Variants in FARSB observed in about 807,000 individuals in gnomAD.
FARSB encodes the protein phenylalanine--tRNA ligase beta subunit.
A neutral mutation model predicts 69.6 loss-of-function variants in FARSB; 40 were observed. The observed-to-expected ratio is 0.57, with a 90% CI of 0.45 to 0.75. The LOEUF (loss-of-function observed/expected upper bound fraction) is 0.75. Ranked by LOEUF, FARSB falls within the 30% of genes least tolerant of loss-of-function variation. FARSB has a pLI of 0.00. For missense variants in FARSB, 632 were observed against 722.9 expected (o/e 0.87, Z 1.44); for synonymous variants, 235 against 247.2 (o/e 0.95, Z 0.46).
chr2:222,650,403 A>C (rs1307593746), intron 1 of FARSB, among the ~76,000 whole-genome samples: 1 of 152,190 alleles, frequency 6.6e-6, no homozygotes, highest in African/African-American at 2.4e-5. Context: ...AGTCTACTGC[A>C]ATAGTACAGA....
intron 13 of FARSB, among the ~76,000 whole-genome samples, chr2:222,621,442 C>T (rs1691132672): frequency 6.6e-6 from 1 of 152,154 alleles, no homozygotes; most frequent in South Asian, 2.1e-4. Context: ...ACACTGGTCT[C>T]GAACTTGTAG....
At chr2:222,626,464 GAGAA>G (rs1691278937) in intron 10 of FARSB, among the ~76,000 whole-genome samples, 1 of 152,004 alleles carries the variant, frequency 6.6e-6, no homozygotes, top group Admixed American at 6.6e-5. Context: ...TATTTCATGT[GAGAA>G]AGAATCAGTT....
intron 16 of FARSB, among the ~76,000 whole-genome samples, chr2:222,583,947 TC>T (rs1253452309): frequency 1.3e-5 from 2 of 152,150 alleles, no homozygotes; most frequent in Non-Finnish European, 2.9e-5. Flanking sequence ...GAACTGTGAG[TC>T]AATTAAACCT....
intron 8 of FARSB, 132 bp downstream of exon 8, chr2:222,631,472 A>G (rs1289837213): frequency 3.0e-6 from 2 of 664,814 alleles, no homozygotes; most frequent in Non-Finnish European, 5.5e-6. Context: ...TATCTTTTTA[A>G]TTGTCTAAAT....
At chr2:222,633,829 GT>G (rs1485053900) in intron 6 of FARSB, among the ~76,000 whole-genome samples, 2 of 152,088 alleles carry the variant, frequency 1.3e-5, no homozygotes, top group Non-Finnish European at 2.9e-5. Context: ...TTTCTCAAGA[GT>G]GAAAACAGAT....
rs536938308 is a variant in FARSB, at chr2:222,606,892, C to A, written c.1463-6809G>T. 3.3e-5 allele frequency among the ~76,000 whole-genome samples: 5 copies of A among 152,272 alleles called. No homozygotes were observed. The South Asian group carries it at 1.0e-3, about 32-fold the overall frequency. On this transcript the variant is annotated intron_variant, in intron 15 of 16. Transcript: ENST00000281828. Reference sequence around the variant, plus strand: ...TCACCTAAAAGCCCAAAGAAAGATGCTAGGAGAAAACCTATTGGGAGACCA... The same window carrying A: ...TCACCTAAAAGCCCAAAGAAAGATGATAGGAGAAAACCTATTGGGAGACCA...
At chr2:222,642,276 T>A (rs1311436933) in intron 3 of FARSB, among the ~76,000 whole-genome samples, 1 of 152,242 alleles carries the variant, frequency 6.6e-6, no homozygotes, top group Admixed American at 6.5e-5. Flanking sequence ...GCTGGGATTA[T>A]GGGCATGAGC....
intron 14 of FARSB, among the ~76,000 whole-genome samples, chr2:222,618,996 G>T (rs947568151): frequency 2.6e-5 from 4 of 152,006 alleles, no homozygotes; most frequent in Admixed American, 1.3e-4. Context: ...CAAAAAATTA[G>T]CCGGGCGTAG....
chr2:222,645,963 T>A (rs1691842461), intron 2 of FARSB, among the ~76,000 whole-genome samples: 1 of 152,126 alleles, frequency 6.6e-6, no homozygotes, highest in Non-Finnish European at 1.5e-5. Context: ...TCAGTTCCAG[T>A]ATAAAAATAA....
chr2:222,584,412 C>T (rs760079737), intron 16 of FARSB, among the ~76,000 whole-genome samples: 1 of 152,168 alleles, frequency 6.6e-6, no homozygotes, highest in African/African-American at 2.4e-5. Flanking sequence ...CTCCAGTCTA[C>T]AGCTCCCAGC....
chr2:222,642,193 G>A lies in FARSB; in HGVS notation c.269+658C>T, dbSNP rs191910173. ...TTTTCATATTTTTAGTAGAGACGGG[G>A]TTTCACCATGTTGGCCAGGCTGGTC... On this transcript the variant is annotated intron_variant, in intron 3 of 16. Transcript: ENST00000281828. Among the ~76,000 whole-genome samples the A allele has an allele frequency of 1.4e-3, 220 of 152,200 alleles. 1 individual carries two copies. Among genetic ancestry groups the A allele is most frequent in the Admixed American group, 0.013 (193 of 15,304 alleles).
chr2:222,594,696 CA>C (rs1368333680), intron 16 of FARSB, among the ~76,000 whole-genome samples: 4 of 152,096 alleles, frequency 2.6e-5, no homozygotes, highest in African/African-American at 9.7e-5. Context: ...CAATATCTAT[CA>C]GAGGGAATAC....
chr2:222,595,181 G>A (rs563936308), intron 16 of FARSB, among the ~76,000 whole-genome samples: 11 of 152,238 alleles, frequency 7.2e-5, no homozygotes, highest in Admixed American at 4.6e-4. Context: ...GTAACTAAAT[G>A]TGGGCATGCT....
intron 16 of FARSB, among the ~76,000 whole-genome samples, chr2:222,580,725 C>T (rs959751343): frequency 6.6e-6 from 1 of 151,962 alleles, no homozygotes; most frequent in Non-Finnish European, 1.5e-5. Context: ...TGCCCCAAAT[C>T]AACCTAGGAA....
In FARSB at chr2:222,647,291, GA is replaced by G. The variant is rs559506395; in HGVS notation, c.114+1448del. Among the ~76,000 whole-genome samples, 40 of 152,308 alleles carry G rather than the reference GA, an allele frequency of 2.6e-4. 1 individual carries two copies. In the East Asian group the frequency reaches 7.7e-3, roughly 29 times the overall value. On this transcript the variant is annotated intron_variant, in intron 2 of 16. Transcript: ENST00000281828. The stretch of plus-strand genomic sequence containing the variant: ...AGATGGGACAGCTAGCCTCTGCTCG[GA>G]GGTCAGCCAGGGCTGTCACAAATTC...
intron 3 of FARSB, among the ~76,000 whole-genome samples, chr2:222,641,294 T>A (rs543985891): frequency 6.6e-6 from 1 of 152,320 alleles, no homozygotes; most frequent in East Asian, 1.9e-4. Flanking sequence ...AACCATGAGA[T>A]TCTGAGCTTC....
chr2:222,576,139 C>A (rs1689834156), intron 16 of FARSB, among the ~76,000 whole-genome samples: 1 of 152,060 alleles, frequency 6.6e-6, no homozygotes, highest in South Asian at 2.1e-4. Flanking sequence ...TTATCAAGCA[C>A]CTTCTTAATC....
At chr2:222,613,498 T>G (rs1690910207) in intron 15 of FARSB, among the ~76,000 whole-genome samples, 1 of 152,192 alleles carries the variant, frequency 6.6e-6, no homozygotes, top group Non-Finnish European at 1.5e-5. Flanking sequence ...TGAGCTGATA[T>G]CAGGCCACTG....
chr2:222,600,326 A>G (rs1690528217), intron 15 of FARSB, among the ~76,000 whole-genome samples: 1 of 152,018 alleles, frequency 6.6e-6, no homozygotes, highest in Admixed American at 6.6e-5. Flanking sequence ...CAGGGAAAAT[A>G]AGGCTTCACT....
Sources: allele counts gnomAD v4.1 joint callset (sites outside exome capture counted in the v4.1 genomes callset), GRCh38; gene constraint gnomAD v4.1.1; transcripts MANE v1.5; gene names NCBI Gene and HGNC (gene_info 2026-07-23, HGNC 2026-07-21).